CCNG1: variants seen among roughly 807,000 people sequenced by gnomAD.
The protein encoded by CCNG1 is cyclin G1.
In CCNG1, 13 loss-of-function variants were observed where a neutral mutation model predicts 30.0. The ratio of observed to expected loss-of-function variants is 0.43; its 90% CI spans 0.28 to 0.69. The LOEUF (loss-of-function observed/expected upper bound fraction) is 0.69. Among genes scored for constraint, CCNG1 ranks in the 30% least tolerant of loss-of-function variants. The pLI is 0.16. For synonymous variants in CCNG1, 110 were observed against 121.5 expected (o/e 0.91, Z 0.62); for missense variants, 285 against 331.4 (o/e 0.86, Z 1.09).
Position 163,439,441 on chromosome 5 carries a change from T to C in CCNG1, c.185T>C (p.Leu62Pro). Residue 62 changes from leucine (L) to proline (P), a missense_variant, in exon 2 of 7, where the codon CTA becomes CCA. Physicochemically the swap from Leu to Pro is moderately conservative, Grantham distance 98. Coordinates refer to ENST00000340828, the MANE Select transcript of CCNG1 (RefSeq NM_004060.4). ...RDFEVKDLLS[L>P]TQFFGFDTET... ...TTTGAAGTAAAAGATCTTCTTAGTC[T>C]AACTCAGTTCTTTGGCTTTGACACA... 1 of 1,613,872 alleles carries C rather than the reference T, an allele frequency of 6.2e-7. No individual in the cohort carries two copies. Among genetic ancestry groups the C allele is most frequent in the South Asian group, 1.1e-5 (1 of 91,078 alleles).
At chr5:163,443,617 T>C (rs1757938888) in intron 6 of CCNG1, 57 bp from the exon 7 acceptor site, 2 of 881,036 alleles carry the variant, frequency 2.3e-6, no homozygotes, top group Non-Finnish European at 3.6e-6. Context: ...CTTAGTAGTA[T>C]TTAGGCAGAC....
At position 163,441,207 on chromosome 5, in the gene CCNG1, TC is replaced by T; in HGVS notation, c.395del (p.Ser132Ter). 1 of 1,614,048 alleles carries T rather than the reference TC, an allele frequency of 6.2e-7. No homozygotes were observed. On this transcript the variant is annotated frameshift_variant, in exon 3 of 7. Transcript: ENST00000340828. LOFTEE classifies it high-confidence loss of function. Reference sequence around the variant, plus strand: ...AATAAGTCAATATAGGTTTACGGTTTCAGACTTGATGAGAATGGAAAAGATT... The same window carrying T: ...AATAAGTCAATATAGGTTTACGGTTTAGACTTGATGAGAATGGAAAAGATT... The part of the protein sequence containing the change: ...IRISQYRFTV[S>X]DLMRMEKIVL...
downstream of CCNG1, chr5:163,448,825 G>C (rs1053153432): frequency 6.6e-6 from 1 of 152,152 alleles, no homozygotes; most frequent in African/African-American, 2.4e-5. Flanking sequence ...TCTGGAATCA[G>C]TAAAATCCAT....
Position 163,444,027 on chromosome 5 carries a change from C to CCTG in CCNG1, c.*357_*358insCTG. 4.0e-6 allele frequency: 1 copy of CCTG among 248,062 alleles called. No individual in the cohort carries two copies. Among genetic ancestry groups the CCTG allele is most frequent in the Non-Finnish European group, 7.7e-6 (1 of 130,036 alleles). The allele number at this position is 248,062 out of a possible 1,614,324, so 15.4% of individuals were successfully genotyped here. ...TGCTATTGGAGGAGTCACACTAATACTATCAACTATCAGTCTTCCCACAGC... is the reference window on the plus strand; with the variant it reads ...TGCTATTGGAGGAGTCACACTAATACCTGTATCAACTATCAGTCTTCCCACAGC... On this transcript the variant is annotated 3_prime_UTR_variant, in exon 7 of 7. Coordinates refer to ENST00000340828, the MANE Select transcript of CCNG1 (RefSeq NM_004060.4).
chr5:163,441,389 A>C (rs540121956), intron 3 of CCNG1, 58 bp downstream of exon 3: 6 of 1,467,688 alleles, frequency 4.1e-6, no homozygotes, highest in South Asian at 2.6e-5. Context: ...TATTGTATGG[A>C]TATTGCATAA....
the CCNG1 span, chr5:163,456,902 C>CAT: frequency 4.9e-6 from 7 of 1,432,958 alleles, no homozygotes; most frequent in Non-Finnish European, 3.8e-6. Flanking sequence ...TTTAATTACA[C>CAT]ATACTCATAC....
chr5:163,456,946 C>CT, the CCNG1 span: 82 of 1,608,248 alleles, frequency 5.1e-5, no homozygotes, highest in Non-Finnish European at 6.5e-5. Context: ...TGGAATCTCT[C>CT]TAATGTAAGC....
Position 163,439,285 on chromosome 5 carries a change from C to G in CCNG1, c.29C>G (p.Ser10Cys). 5 of 1,613,694 alleles carry G rather than the reference C, an allele frequency of 3.1e-6. No individual in the cohort carries two copies. The highest frequency in any genetic ancestry group is 4.2e-6 in the Non-Finnish European group (5 of 1,179,986). ...ATAGAGGTACTGACAACAACTGACT[C>G]TCAGAAACTGCTACACCAGCTGAAT... MIEVLTTTD[S>C]QKLLHQLNAL... is the part of the protein sequence containing the mutation. The change falls in exon 2 of 7, where the codon TCT becomes TGT. Residue 10 changes from serine to cysteine, a missense_variant. Coordinates refer to ENST00000340828, the MANE Select transcript of CCNG1 (RefSeq NM_004060.4).
chr5:163,442,271 T>C (rs979506435), intron 5 of CCNG1, 103 bp from the exon 6 acceptor site: 2 of 1,128,988 alleles, frequency 1.8e-6, no homozygotes, highest in East Asian at 2.4e-5. Flanking sequence ...CAAATGTTTT[T>C]AATGAGCAAA....
At chr5:163,451,647 G>A in the CCNG1 span, 2 of 152,162 alleles carry the variant, frequency 1.3e-5, no homozygotes, top group Admixed American at 1.3e-4. Context: ...GGACTGCCAT[G>A]GCCTGGAGTG....
intron 1 of CCNG1, 63 bp from the exon 2 acceptor site, chr5:163,439,194 T>C: frequency 6.9e-7 from 1 of 1,448,148 alleles, no homozygotes; most frequent in Non-Finnish European, 9.5e-7. Context: ...AGTGCAAAGA[T>C]GGCCAAGGAA....
chr5:163,456,335 A>G, the CCNG1 span, among the ~76,000 whole-genome samples: 1 of 152,220 alleles, frequency 6.6e-6, no homozygotes. Flanking sequence ...AATAGAGAAA[A>G]ATGAAGAAAT....
chr5:163,442,133 A>G lies in CCNG1; in HGVS notation c.686A>G (p.Lys229Arg), dbSNP rs1471450219. 6.2e-7 allele frequency: 1 copy of G among 1,600,182 alleles called. No homozygotes were observed. The highest frequency in any genetic ancestry group is 1.7e-5 in the Admixed American group (1 of 59,806). The change falls in exon 5 of 7, where the codon AAA becomes AGA. Residue 229 changes from lysine to arginine, a missense_variant. Coordinates refer to ENST00000340828, the MANE Select transcript of CCNG1 (RefSeq NM_004060.4). ...ELTEGIECLQ[K>R]HSKINGRDLT... Reference sequence around the variant, plus strand: ...ACAGAAGGAATAGAATGTCTTCAGAAACATTCCAAGGTATGTGAAGGACAT... The same window carrying G: ...ACAGAAGGAATAGAATGTCTTCAGAGACATTCCAAGGTATGTGAAGGACAT...
In CCNG1 at chr5:163,444,090, AAATTTT is replaced by A; in HGVS notation, c.*423_*428del. 2 of 175,372 alleles carry A rather than the reference AAATTTT, an allele frequency of 1.1e-5. No homozygotes were observed. Among genetic ancestry groups the A allele is most frequent in the South Asian group, 1.7e-4 (1 of 5,924 alleles). 10.9% of individuals were successfully genotyped at this position (175,372 alleles called of 1,614,324 possible). Reference sequence around the variant, plus strand: ...CATTATTCTAATCCTACTCCTACTTAAATTTTAAGTTATGAGGTTTATGTCAAAAGC... The same window carrying A: ...CATTATTCTAATCCTACTCCTACTTAAAGTTATGAGGTTTATGTCAAAAGC... On this transcript the variant is annotated 3_prime_UTR_variant, in exon 7 of 7. Coordinates refer to ENST00000340828, the MANE Select transcript of CCNG1 (RefSeq NM_004060.4).
At chr5:163,452,197 CAT>C in the CCNG1 span, 1 of 152,130 alleles carries the variant, frequency 6.6e-6, no homozygotes, top group African/African-American at 2.4e-5. Flanking sequence ...TTTCAATATA[CAT>C]AGATGCAGAA....
chr5:163,453,017 C>T, the CCNG1 span: 2 of 152,202 alleles, frequency 1.3e-5, no homozygotes, highest in African/African-American at 2.4e-5. Context: ...AATGTGTCAA[C>T]GTAAATTTCC....
the CCNG1 span, among the ~76,000 whole-genome samples, chr5:163,454,803 C>T: frequency 2.0e-5 from 3 of 152,202 alleles, no homozygotes; most frequent in South Asian, 6.2e-4. Context: ...TTGTTGAGCT[C>T]CTACTGTTTG....
downstream of CCNG1, chr5:163,447,338 G>C (rs1758061032): frequency 6.6e-6 from 1 of 151,712 alleles, no homozygotes; most frequent in African/African-American, 2.4e-5. Flanking sequence ...GTAGTCCTAG[G>C]TACTGAGGAG....
At chr5:163,451,303 T>C in the CCNG1 span, 2 of 152,186 alleles carry the variant, frequency 1.3e-5, no homozygotes, top group Non-Finnish European at 2.9e-5. Flanking sequence ...TTCTTAATTA[T>C]ATATGATCCC....
Sources: allele counts gnomAD v4.1 joint callset (sites outside exome capture counted in the v4.1 genomes callset), GRCh38; gene constraint gnomAD v4.1.1; transcripts MANE v1.5; gene names NCBI Gene and HGNC (gene_info 2026-07-23, HGNC 2026-07-21).